The following PHLPP1 variants were observed in gnomAD, a reference collection of about 807,000 sequenced individuals.
PHLPP1 encodes PH domain leucine-rich repeat-containing protein phosphatase 1.
Under a neutral mutation model 117.2 loss-of-function variants are expected in PHLPP1, and 42 were observed. That is an observed-to-expected ratio of 0.36 (90% CI 0.28 to 0.46). PHLPP1 has a LOEUF of 0.46. Ranked by LOEUF, PHLPP1 falls within the 20% of genes least tolerant of loss-of-function variation. PHLPP1 has a pLI of 1.00. For missense variants in PHLPP1, 2,084 were observed against 2,241.9 expected (o/e 0.93, Z 1.42); for synonymous variants, 1,042 against 970.7 (o/e 1.07, Z -1.37).
chr18:62,789,320 A>G (rs1913390254), intron 1 of PHLPP1, among the ~76,000 whole-genome samples: 1 of 152,212 alleles, frequency 6.6e-6, no homozygotes, highest in African/African-American at 2.4e-5. Context: ...TGCTTGAAAA[A>G]AATCTCAGAT....
chr18:62,827,283 A>G (rs778237040), intron 1 of PHLPP1, among the ~76,000 whole-genome samples: 19 of 152,204 alleles, frequency 1.2e-4, no homozygotes, highest in Non-Finnish European at 2.4e-4. Context: ...AGGGAATTAG[A>G]GTAACATTTC....
At chr18:62,954,760 A>G (rs921675412) in intron 12 of PHLPP1, among the ~76,000 whole-genome samples, 4 of 152,246 alleles carry the variant, frequency 2.6e-5, no homozygotes, top group African/African-American at 9.6e-5. Context: ...TTGCATTAAA[A>G]TGCTATCTAT....
chr18:62,899,860 G>A (rs1366818499), intron 6 of PHLPP1, among the ~76,000 whole-genome samples: 2 of 152,158 alleles, frequency 1.3e-5, no homozygotes, highest in African/African-American at 2.4e-5. Context: ...TAGAGAGATG[G>A]GACCGCAGTT....
intron 1 of PHLPP1, among the ~76,000 whole-genome samples, chr18:62,800,717 C>G (rs1198303360): frequency 6.6e-5 from 10 of 151,978 alleles, no homozygotes; most frequent in African/African-American, 2.4e-4. Flanking sequence ...GCTTATGATC[C>G]TAATAATAAC....
rs17070323 is a variant in PHLPP1 at position 62,748,997 on chromosome 18, G to A, written c.1576+31738G>A. Among the ~76,000 whole-genome samples the A allele has an allele frequency of 8.0e-3, 1,223 of 152,048 alleles. 45 individuals carry two copies. Among genetic ancestry groups the A allele is most frequent in the East Asian group, 0.062 (319 of 5,176 alleles). On this transcript the variant is annotated intron_variant, in intron 1 of 16. Coordinates refer to ENST00000262719, the MANE Select transcript of PHLPP1 (RefSeq NM_194449.4). ...AACTTCAAAATGTCACATAAAAAGC[G>A]TATAATCACCATTTCTTCAACATCC...
intron 1 of PHLPP1, among the ~76,000 whole-genome samples, chr18:62,722,249 T>C (rs1439134546): frequency 6.6e-6 from 1 of 152,224 alleles, no homozygotes; most frequent in African/African-American, 2.4e-5. Flanking sequence ...CATCTCGTAC[T>C]TAATTTTGCA....
chr18:62,896,119 C>T (rs1348689684), intron 6 of PHLPP1, 108 bp downstream of exon 6: 4 of 654,532 alleles, frequency 6.1e-6, no homozygotes, highest in African/African-American at 5.5e-5. Context: ...GAATGTGGGC[C>T]CGTTTTTCTA....
chr18:62,715,567 A>G lies in PHLPP1; in HGVS notation c.-117A>G. 1.9e-6 allele frequency: 1 copy of G among 539,014 alleles called. No homozygotes were observed. Among genetic ancestry groups the G allele is most frequent in the African/African-American group, 2.0e-5 (1 of 51,126 alleles). 33.4% of individuals were successfully genotyped at this position (539,014 alleles called of 1,614,324 possible). A position where few individuals can be genotyped will look rare whatever the true frequency, so the allele number is the denominator to read the frequency against. On this transcript the variant is annotated 5_prime_UTR_variant, in exon 1 of 17. Coordinates refer to ENST00000262719, the MANE Select transcript of PHLPP1 (RefSeq NM_194449.4). ...ATAATCCCCTGGAACGGCCGCGCACAACGCCATTGGCTTCTCCCTTCTCCG... is the reference window on the plus strand; with the variant it reads ...ATAATCCCCTGGAACGGCCGCGCACGACGCCATTGGCTTCTCCCTTCTCCG...
rs542983217 is a variant in PHLPP1 at position 62,941,785 on chromosome 18, A to T, written c.3028A>T (p.Thr1010Ser). Residue 1010 changes from threonine to serine, a missense_variant, in exon 11 of 17, where the codon ACA (threonine) becomes TCA (serine). Physicochemically the swap from Thr to Ser is moderately conservative, Grantham distance 58. Around this residue, in one of 2 missense-constraint regions of PHLPP1, gnomAD observed 1,365 missense variants for 1,605.9 expected, o/e 0.85. Coordinates refer to ENST00000262719, the MANE Select transcript of PHLPP1 (RefSeq NM_194449.4). Reference protein sequence around the residue: ...SLPPATLSEETNSILQELYLT... With the variant: ...SLPPATLSEESNSILQELYLT... ...TCCTCCAGCCACGCTTTCCGAAGAG[A>T]CAAACAGTATCTTACAAGAGTTGTA... 18 of 1,613,856 alleles carry T rather than the reference A, an allele frequency of 1.1e-5. No homozygotes were observed. The highest frequency in any genetic ancestry group is 9.9e-5 in the South Asian group (9 of 91,082).
chr18:62,880,870 G>C (rs997630822), intron 4 of PHLPP1, among the ~76,000 whole-genome samples: 1 of 152,074 alleles, frequency 6.6e-6, no homozygotes, highest in Admixed American at 6.6e-5. Context: ...TTATGATCTA[G>C]AGTGGTTCTC....
Position 62,906,673 on chromosome 18 carries a change from T to C in PHLPP1, c.2708+1389T>C, listed in dbSNP as rs1450185834. ...GGGTCCTACGCCCACGGAATCTCGC[T>C]GATTGCTAGCACAGCAGTCTGAGAT... On this transcript the variant is annotated intron_variant, in intron 8 of 16. Coordinates refer to ENST00000262719, the MANE Select transcript of PHLPP1 (RefSeq NM_194449.4). Among the ~76,000 whole-genome samples the C allele has an allele frequency of 5.6e-3, 86 of 15,302 alleles. 4 individuals are homozygous for C. The highest frequency in any genetic ancestry group is 0.042 in the Admixed American group (62 of 1,476). The allele number at this position is 15,302 out of a possible 152,430, so 10.0% of individuals were successfully genotyped here. A position where few individuals can be genotyped will look rare whatever the true frequency, so the allele number is the denominator to read the frequency against.
chr18:62,823,138 A>G (rs1488900977), intron 1 of PHLPP1, among the ~76,000 whole-genome samples: 1 of 152,216 alleles, frequency 6.6e-6, no homozygotes, highest in East Asian at 1.9e-4. Context: ...TTTAAGTACA[A>G]CACAAAAACC....
At chr18:62,794,318 G>A (rs187651681) in intron 1 of PHLPP1, among the ~76,000 whole-genome samples, 134 of 150,794 alleles carry the variant, frequency 8.9e-4, no homozygotes, top group African/African-American at 3.2e-3. Context: ...TTTTGGATAT[G>A]GGAATGACTT....
chr18:62,842,367 A>ACTTT (rs1268551898), intron 3 of PHLPP1, among the ~76,000 whole-genome samples: 275 of 149,246 alleles, frequency 1.8e-3, no homozygotes, highest in African/African-American at 6.6e-3. Context: ...GTAAATGCAG[A>ACTTT]CTTTTTTTTT....
At position 62,716,475 on chromosome 18, in the gene PHLPP1, C is replaced by G. The variant is rs753745408; in HGVS notation, c.792C>G (p.Pro264=). Residue 264 remains proline, a synonymous_variant, in exon 1 of 17, where the codon CCC becomes CCG. Coordinates refer to ENST00000262719, the MANE Select transcript of PHLPP1 (RefSeq NM_194449.4). This position sits in a 1 kb window ranked among gnomAD's most constrained non-coding sequence, Gnocchi z 5.7. ...CCGCCCGGGAGCCCGCTGAACCGCCCCCCGAGGCCGGCCCCCGGCTGGCGC... is the reference window on the plus strand; with the variant it reads ...CCGCCCGGGAGCCCGCTGAACCGCCGCCCGAGGCCGGCCCCCGGCTGGCGC... ...AAAAREPAEP[P]PEAGPRLAPP... 1 of 1,233,792 alleles carries G rather than the reference C, an allele frequency of 8.1e-7. No individual in the cohort carries two copies. The highest frequency in any genetic ancestry group is 1.0e-6 in the Non-Finnish European group (1 of 990,888). The allele number at this position is 1,233,792 out of a possible 1,614,324, so 76.4% of individuals were successfully genotyped here. A position where few individuals can be genotyped will look rare whatever the true frequency, so the allele number is the denominator to read the frequency against.
intron 4 of PHLPP1, among the ~76,000 whole-genome samples, chr18:62,888,333 GTATGTT>G (rs1916333689): frequency 2.7e-5 from 3 of 109,552 alleles, no homozygotes; most frequent in African/African-American, 9.7e-5. Flanking sequence ...GTGTGTGTGT[GTATGTT>G]TTTTTTTTCT....
intron 11 of PHLPP1, among the ~76,000 whole-genome samples, chr18:62,942,186 T>C (rs1910148808): frequency 6.6e-6 from 1 of 152,198 alleles, no homozygotes; most frequent in African/African-American, 2.4e-5. Context: ...ATGTTTTTTC[T>C]TTTACTTCTT....
chr18:62,852,739 G>A (rs1915390751), intron 3 of PHLPP1, among the ~76,000 whole-genome samples: 1 of 152,144 alleles, frequency 6.6e-6, no homozygotes, highest in African/African-American at 2.4e-5. Context: ...TTAATTTTGA[G>A]CATGCCATGC....
intron 10 of PHLPP1, among the ~76,000 whole-genome samples, chr18:62,930,827 C>T (rs1357699962): frequency 1.3e-5 from 2 of 152,128 alleles, no homozygotes; most frequent in Admixed American, 1.3e-4. Flanking sequence ...AAATTGAAAT[C>T]CTGTCAAGCA....
Sources: allele counts gnomAD v4.1 joint callset (sites outside exome capture counted in the v4.1 genomes callset), GRCh38; gene constraint gnomAD v4.1.1; regional missense constraint gnomAD v4.1.1; non-coding constraint Gnocchi (gnomAD v3.1); transcripts MANE v1.5; gene names NCBI Gene and HGNC (gene_info 2026-07-23, HGNC 2026-07-21).